THADA: variants seen among roughly 807,000 people sequenced by gnomAD.
THADA encodes the protein tRNA (32-2'-O)-methyltransferase regulator THADA.
Under a neutral mutation model 219.8 loss-of-function variants are expected in THADA, and 213 were observed. The observed-to-expected ratio is 0.97, with a 90% CI of 0.87 to 1.09. The LOEUF (loss-of-function observed/expected upper bound fraction) is 1.09, where lower values mean the gene tolerates loss of function less well. Among genes scored for constraint, THADA ranks in the 50% least tolerant of loss-of-function variants. The probability of loss-of-function intolerance (pLI) is 0.00; values close to 1 mark genes in which losing one functional copy is unlikely to be tolerated. For missense variants in THADA, 2,956 were observed against 2,311.3 expected (o/e 1.28, Z -5.72); for synonymous variants, 1,018 against 828.9 (o/e 1.23, Z -3.92).
At chr2:43,531,303 G>C (rs1009400903) in intron 21 of THADA, among the ~76,000 whole-genome samples, 1 of 152,240 alleles carries the variant, frequency 6.6e-6, no homozygotes, top group African/African-American at 2.4e-5. Flanking sequence ...CATGAGAAGA[G>C]GCTGGGAGAC....
chr2:43,283,946 A>C (rs1673676147), intron 35 of THADA, among the ~76,000 whole-genome samples: 1 of 152,212 alleles, frequency 6.6e-6, no homozygotes, highest in Non-Finnish European at 1.5e-5. Context: ...TGGGAGGCTG[A>C]GATGGGTGGA....
chr2:43,384,398 C>A (rs1672394831), intron 29 of THADA, among the ~76,000 whole-genome samples: 1 of 152,132 alleles, frequency 6.6e-6, no homozygotes, highest in Non-Finnish European at 1.5e-5. Context: ...CTTCAGAAAC[C>A]TACCCAACTC....
chr2:43,583,288 C>G (rs935972974), intron 7 of THADA, among the ~76,000 whole-genome samples: 1 of 152,218 alleles, frequency 6.6e-6, no homozygotes, highest in African/African-American at 2.4e-5. Flanking sequence ...TCCTCTCCAT[C>G]TCATCTATAA....
At chr2:43,566,576 A>C in intron 15 of THADA, 122 bp downstream of exon 15, 1 of 1,037,830 alleles carries the variant, frequency 9.6e-7, no homozygotes, top group Non-Finnish European at 1.5e-6. Flanking sequence ...AAGAATTATA[A>C]GGTAAGAATG....
At chr2:43,297,585 C>A (rs1462913756) in intron 31 of THADA, among the ~76,000 whole-genome samples, 1 of 104,876 alleles carries the variant, frequency 9.5e-6, no homozygotes, top group Non-Finnish European at 1.9e-5. Context: ...CCGTGCCGTC[C>A]GGGAGGGAGG....
chr2:43,306,357 A>G (rs1214227283), intron 31 of THADA, among the ~76,000 whole-genome samples: 1 of 152,132 alleles, frequency 6.6e-6, no homozygotes, highest in African/African-American at 2.4e-5. Context: ...CAGGATTGGG[A>G]ATCAGAAATT....
At chr2:43,563,171 T>A (rs946720638) in intron 15 of THADA, 4 of 152,244 alleles carry the variant, frequency 2.6e-5, no homozygotes, top group Admixed American at 2.6e-4. Flanking sequence ...GATCTTTTAA[T>A]GTAGGCATTT....
intron 26 of THADA, among the ~76,000 whole-genome samples, chr2:43,479,613 T>TAA (rs527450627): frequency 3.5e-5 from 5 of 144,346 alleles, no homozygotes; most frequent in African/African-American, 1.3e-4. Flanking sequence ...AGATAAATGT[T>TAA]AAAAAAAAAA....
chr2:43,534,877 G>A (rs1694344950), intron 21 of THADA, among the ~76,000 whole-genome samples: 2 of 152,182 alleles, frequency 1.3e-5, no homozygotes, highest in South Asian at 4.2e-4. Flanking sequence ...GGGATTGCTG[G>A]ATCATACGGT....
At chr2:43,510,888 T>C (rs1376178777) in intron 22 of THADA, among the ~76,000 whole-genome samples, 1 of 151,678 alleles carries the variant, frequency 6.6e-6, no homozygotes, top group Non-Finnish European at 1.5e-5. Context: ...GGAGAATCGC[T>C]TGAACTCAGG....
At chr2:43,456,160 A>C (rs953957800) in intron 26 of THADA, among the ~76,000 whole-genome samples, 1 of 152,204 alleles carries the variant, frequency 6.6e-6, no homozygotes, top group Non-Finnish European at 1.5e-5. Context: ...AAATGTGCAA[A>C]ACTCATCATT....
chr2:43,444,904 A>G (rs932520650), intron 26 of THADA, among the ~76,000 whole-genome samples: 8 of 152,208 alleles, frequency 5.3e-5, no homozygotes, highest in Admixed American at 4.6e-4. Flanking sequence ...AACAGTAGTA[A>G]AGGTGTGGGT....
At chr2:43,241,952 T>C (rs1307231302) in intron 36 of THADA, among the ~76,000 whole-genome samples, 2 of 152,182 alleles carry the variant, frequency 1.3e-5, no homozygotes, top group Non-Finnish European at 2.9e-5. Flanking sequence ...CACACTGCTA[T>C]CTGGGCCTTC....
intron 28 of THADA, among the ~76,000 whole-genome samples, chr2:43,407,960 T>C (rs967514392): frequency 1.1e-4 from 17 of 152,224 alleles, no homozygotes; most frequent in African/African-American, 4.1e-4. Flanking sequence ...GAAACCTTTG[T>C]AGGCAATTTA....
chr2:43,467,745 C>T (rs1292685222), intron 26 of THADA, among the ~76,000 whole-genome samples: 1 of 152,280 alleles, frequency 6.6e-6, no homozygotes, highest in African/African-American at 2.4e-5. Flanking sequence ...AGCTTGACAA[C>T]AGTCTTAAAA....
chr2:43,526,520 T>C (rs1364446580), intron 22 of THADA, among the ~76,000 whole-genome samples: 3 of 152,232 alleles, frequency 2.0e-5, no homozygotes, highest in African/African-American at 7.2e-5. Flanking sequence ...CATGAAGCCC[T>C]ACCAGCCTAT....
intron 7 of THADA, among the ~76,000 whole-genome samples, chr2:43,585,882 TTAA>T (rs1282357302): frequency 1.3e-5 from 2 of 152,026 alleles, no homozygotes; most frequent in Admixed American, 1.3e-4. Context: ...TTTAAATATT[TTAA>T]TAAAGTTCAA....
chr2:43,270,805 C>T (rs898297508), intron 36 of THADA, among the ~76,000 whole-genome samples: 1 of 152,144 alleles, frequency 6.6e-6, no homozygotes, highest in Non-Finnish European at 1.5e-5. Flanking sequence ...TACAAGTGTG[C>T]CTGTGAACAG....
intron 22 of THADA, among the ~76,000 whole-genome samples, chr2:43,515,988 G>A (rs995600666): frequency 3.9e-5 from 6 of 151,990 alleles, no homozygotes; most frequent in Non-Finnish European, 5.9e-5. Flanking sequence ...ATAACAAATC[G>A]ATCTCTTCAG....
Sources: allele counts gnomAD v4.1 joint callset (sites outside exome capture counted in the v4.1 genomes callset), GRCh38; gene constraint gnomAD v4.1.1; transcripts MANE v1.5; gene names NCBI Gene and HGNC (gene_info 2026-07-23, HGNC 2026-07-21).